PCDHA10: variants seen among roughly 807,000 people sequenced by gnomAD.
The protein encoded by PCDHA10 is protocadherin alpha-10.
In PCDHA10, 45 loss-of-function variants were observed where a neutral mutation model predicts 61.2. The ratio of observed to expected loss-of-function variants is 0.74; its 90% CI spans 0.58 to 0.94. The LOEUF is 0.94. Among genes scored for constraint, PCDHA10 ranks in the 40% least tolerant of loss-of-function variants. The pLI is 0.00. For synonymous variants in PCDHA10, 602 were observed against 548.8 expected, an observed-to-expected ratio of 1.10 and a Z score of -1.35; for missense variants, 1,278 against 1,236.2, an observed-to-expected ratio of 1.03 and a Z score of -0.51.
intron 1 of PCDHA10, chr5:140,928,909 C>T (rs1364728842): frequency 1.6e-5 from 26 of 1,614,034 alleles, no homozygotes; most frequent in Non-Finnish European, 2.1e-5. Flanking sequence ...TGTCTGGGAA[C>T]CAGGAGGGCA....
At chr5:140,938,699 A>G (rs1418739484) in intron 1 of PCDHA10, among the ~76,000 whole-genome samples, 4 of 152,128 alleles carry the variant, frequency 2.6e-5, no homozygotes, top group African/African-American at 4.8e-5. Context: ...TTTTAAATAT[A>G]TGTTTATGAT....
intron 1 of PCDHA10, chr5:140,869,579 A>G: frequency 6.2e-7 from 1 of 1,614,178 alleles, no homozygotes; most frequent in Non-Finnish European, 8.5e-7. Flanking sequence ...GGAGCTTCTG[A>G]TGCTGACATT....
chr5:140,984,365 C>G (rs2097099251), intron 3 of PCDHA10, among the ~76,000 whole-genome samples: 1 of 152,128 alleles, frequency 6.6e-6, no homozygotes. Flanking sequence ...TACATCTGGC[C>G]AAGTCCCTCT....
chr5:140,897,997 G>C (rs1174176296), intron 1 of PCDHA10, among the ~76,000 whole-genome samples: 1 of 152,168 alleles, frequency 6.6e-6, no homozygotes, highest in Non-Finnish European at 1.5e-5. Context: ...CTTTTGAGAA[G>C]TGTCTGTTCA....
intron 3 of PCDHA10, among the ~76,000 whole-genome samples, chr5:140,994,308 C>T (rs1402344988): frequency 6.6e-6 from 1 of 152,086 alleles, no homozygotes; most frequent in African/African-American, 2.4e-5. Flanking sequence ...TTTCACAGGG[C>T]CCAAACACTC....
Position 140,857,484 on chromosome 5 carries a change from G to T in PCDHA10, c.1436G>T (p.Trp479Leu), listed in dbSNP as rs1044921765. ...TGCCACATCTTCACGGTGTCTGCGT[G>T]GGACGCGGACGCGCAGGAGAACGCC... ...PGCHIFTVSA[W>L]DADAQENALV... Residue 479 changes from tryptophan (W) to leucine (L), a missense_variant, in exon 1 of 4, where the codon TGG becomes TTG. Physicochemically the swap from Trp to Leu is moderately conservative, Grantham distance 61 (BLOSUM62 -2). Coordinates refer to ENST00000307360, the MANE Select transcript of PCDHA10 (RefSeq NM_018901.4). 6.3e-7 allele frequency: 1 copy of T among 1,598,534 alleles called. No homozygotes were observed. The highest frequency in any genetic ancestry group is 1.7e-5 in the Admixed American group (1 of 59,356).
At chr5:140,883,349 GA>G in intron 1 of PCDHA10, 1 of 1,614,142 alleles carries the variant, frequency 6.2e-7, no homozygotes, top group Non-Finnish European at 8.5e-7. Flanking sequence ...CCCCATCAGA[GA>G]AGACACTCAG....
Position 140,858,273 on chromosome 5 carries a change from C to G in PCDHA10, c.2225C>G (p.Ala742Gly). 6.3e-7 allele frequency: 1 copy of G among 1,596,972 alleles called. No homozygotes were observed. Among genetic ancestry groups the G allele is most frequent in the Non-Finnish European group, 8.6e-7 (1 of 1,166,878 alleles). Residue 742 changes from alanine (A) to glycine (G), a missense_variant, in exon 1 of 4, where the codon GCG becomes GGG. Ala to Gly is a moderately conservative substitution (Grantham distance 60). Coordinates refer to ENST00000307360, the MANE Select transcript of PCDHA10 (RefSeq NM_018901.4). ...PVKPTLVCSS[A>G]VGSWSYSQQR... ...AAGCCCACGCTGGTGTGCTCTAGCG[C>G]GGTGGGGAGCTGGTCTTACTCGCAG...
chr5:140,868,875 C>T (rs1033473828), intron 1 of PCDHA10: 3 of 661,952 alleles, frequency 4.5e-6, no homozygotes, highest in African/African-American at 3.6e-5. Context: ...GTGCACAGTA[C>T]TCACAGTTTT....
intron 1 of PCDHA10, among the ~76,000 whole-genome samples, chr5:140,932,779 G>T (rs556279743): frequency 3.9e-5 from 6 of 151,910 alleles, no homozygotes; most frequent in Non-Finnish European, 8.9e-5. Context: ...TAATTTGAGT[G>T]GACATAAGAG....
intron 1 of PCDHA10, chr5:140,930,374 C>G (rs549190703): frequency 6.6e-6 from 1 of 151,988 alleles, no homozygotes; most frequent in South Asian, 2.1e-4. Flanking sequence ...TGTTAGTGGC[C>G]CTTGGCATTT....
At chr5:140,868,957 A>T (rs2050760003) in intron 1 of PCDHA10, 1 of 1,389,232 alleles carries the variant, frequency 7.2e-7, no homozygotes, top group Non-Finnish European at 9.7e-7. Context: ...AGGCACTCCC[A>T]TACAAAGGAA....
intron 3 of PCDHA10, among the ~76,000 whole-genome samples, chr5:140,989,272 T>C (rs1554250681): frequency 6.6e-6 from 1 of 152,204 alleles, no homozygotes. Flanking sequence ...AAGTTTCTGC[T>C]GGGGACATCT....
intron 3 of PCDHA10, among the ~76,000 whole-genome samples, chr5:141,002,090 A>AGG (rs782223041): frequency 1.3e-5 from 2 of 152,254 alleles, no homozygotes; most frequent in Non-Finnish European, 2.9e-5. Flanking sequence ...CGAGCAGTCC[A>AGG]GGGGCTGGGC....
intron 1 of PCDHA10, among the ~76,000 whole-genome samples, chr5:140,919,033 G>T (rs149900813): frequency 6.6e-6 from 1 of 152,282 alleles, no homozygotes; most frequent in African/African-American, 2.4e-5. Flanking sequence ...CTGCCTAGTT[G>T]TTGTCCATTA....
chr5:140,964,964 C>A (rs1035701368), intron 1 of PCDHA10, among the ~76,000 whole-genome samples: 1 of 152,094 alleles, frequency 6.6e-6, no homozygotes, highest in Non-Finnish European at 1.5e-5. Flanking sequence ...GTTGGTGGAA[C>A]GAAGGGATGT....
intron 1 of PCDHA10, among the ~76,000 whole-genome samples, chr5:140,936,918 T>C (rs2091208385): frequency 6.6e-6 from 1 of 152,198 alleles, no homozygotes; most frequent in Non-Finnish European, 1.5e-5. Flanking sequence ...CTGTAGAAAA[T>C]ATGGGGTATA....
chr5:140,899,904 C>A (rs1554188779), intron 1 of PCDHA10, among the ~76,000 whole-genome samples: 1 of 151,986 alleles, frequency 6.6e-6, no homozygotes, highest in African/African-American at 2.4e-5. Flanking sequence ...ACATCCTGGG[C>A]TCAAGCAATC....
At chr5:140,871,131 G>A (rs781968741) in intron 1 of PCDHA10, 2 of 1,613,386 alleles carry the variant, frequency 1.2e-6, no homozygotes, top group South Asian at 2.2e-5. Flanking sequence ...AGGCGCCAAA[G>A]GCCTCTTCCC....
Sources: allele counts gnomAD v4.1 joint callset (sites outside exome capture counted in the v4.1 genomes callset), GRCh38; gene constraint gnomAD v4.1.1; transcripts MANE v1.5; gene names NCBI Gene and HGNC (gene_info 2026-07-23, HGNC 2026-07-21).